PPP1R9A: variants seen among roughly 807,000 people sequenced by gnomAD.
The protein encoded by PPP1R9A is neurabin-1.
A neutral mutation model predicts 141.9 loss-of-function variants in PPP1R9A; 59 were observed. The ratio of observed to expected loss-of-function variants is 0.42; its 90% CI spans 0.34 to 0.52. The LOEUF (loss-of-function observed/expected upper bound fraction) is 0.52, where lower values mean the gene tolerates loss of function less well. Ranked by LOEUF, PPP1R9A falls within the 20% of genes least tolerant of loss-of-function variation. The pLI is 0.10. For missense variants in PPP1R9A, 1,444 were observed against 1,611.9 expected (o/e 0.90, Z 1.78); for synonymous variants, 500 against 569.7 (o/e 0.88, Z 1.74).
At chr7:95,150,929 A>T (rs1828551362) in intron 4 of PPP1R9A, among the ~76,000 whole-genome samples, 1 of 152,262 alleles carries the variant, frequency 6.6e-6, no homozygotes, top group Admixed American at 6.5e-5. Context: ...ATATCATGTT[A>T]TGAGAGAATT....
chr7:94,971,557 G>T (rs1167258895), intron 2 of PPP1R9A, among the ~76,000 whole-genome samples: 1 of 152,182 alleles, frequency 6.6e-6, no homozygotes, highest in Non-Finnish European at 1.5e-5. Flanking sequence ...ATCATCTTGA[G>T]AATTCACAGT....
At chr7:95,009,072 G>A in intron 2 of PPP1R9A, among the ~76,000 whole-genome samples, 1 of 151,930 alleles carries the variant, frequency 6.6e-6, no homozygotes, top group African/African-American at 2.4e-5. Flanking sequence ...AACACCGCAT[G>A]TTCTCACTCA....
At chr7:95,215,718 G>A (rs1325052964) in intron 7 of PPP1R9A, among the ~76,000 whole-genome samples, 8 of 152,100 alleles carry the variant, frequency 5.3e-5, no homozygotes, top group African/African-American at 9.7e-5. Context: ...TTCTCTGATG[G>A]CCAGTGATGA....
chr7:94,931,249 C>T (rs192558640), intron 2 of PPP1R9A, among the ~76,000 whole-genome samples: 76 of 152,182 alleles, frequency 5.0e-4, no homozygotes, highest in Middle Eastern at 6.8e-3. Context: ...TCTTTTCTGA[C>T]GGCAGGTGAA....
chr7:95,045,038 G>GA (rs1315179877), intron 2 of PPP1R9A, among the ~76,000 whole-genome samples: 2 of 152,082 alleles, frequency 1.3e-5, no homozygotes, highest in Non-Finnish European at 2.9e-5. Context: ...TTTGTCCTTA[G>GA]AAAATTAGGT....
At chr7:94,918,434 G>A (rs977706417) in intron 2 of PPP1R9A, among the ~76,000 whole-genome samples, 2 of 151,996 alleles carry the variant, frequency 1.3e-5, no homozygotes, top group Non-Finnish European at 2.9e-5. Flanking sequence ...GGTGTGTGTA[G>A]GGAGGTGGTG....
intron 2 of PPP1R9A, among the ~76,000 whole-genome samples, chr7:95,033,595 A>G (rs1247442106): frequency 6.6e-6 from 1 of 151,996 alleles, no homozygotes; most frequent in East Asian, 1.9e-4. Context: ...TTCCCACCTC[A>G]AGGTCATGAA....
intron 12 of PPP1R9A, among the ~76,000 whole-genome samples, chr7:95,267,884 C>G (rs1051783364): frequency 3.0e-4 from 46 of 152,048 alleles, no homozygotes; most frequent in African/African-American, 5.1e-4. Context: ...TAAGTACTTA[C>G]GATTTTTTAA....
chr7:95,164,740 T>C (rs1281045958), intron 5 of PPP1R9A, among the ~76,000 whole-genome samples: 15 of 120,320 alleles, frequency 1.2e-4, no homozygotes, highest in African/African-American at 4.6e-4. Context: ...TCTTTTCTTT[T>C]CTTTTTTTTT....
intron 4 of PPP1R9A, among the ~76,000 whole-genome samples, chr7:95,121,455 GTCTGTCTATCTA>G (rs149849671): frequency 0.39 from 56,224 of 143,826 alleles, 11,600 homozygotes; most frequent in Middle Eastern, 0.46. Flanking sequence ...CTGTCTGTCT[GTCTGTCTATCTA>G]TCTATCTATC....
At chr7:95,160,307 G>T (rs1307736188) in intron 4 of PPP1R9A, among the ~76,000 whole-genome samples, 1 of 152,036 alleles carries the variant, frequency 6.6e-6, no homozygotes, top group East Asian at 1.9e-4. Context: ...GAAGATAGGT[G>T]TGTTGTGAGA....
chr7:95,130,694 G>A (rs1584855932), intron 4 of PPP1R9A, among the ~76,000 whole-genome samples: 1 of 152,302 alleles, frequency 6.6e-6, no homozygotes, highest in South Asian at 2.1e-4. Context: ...CACAGGGGTG[G>A]AGCTTCCCAA....
intron 2 of PPP1R9A, among the ~76,000 whole-genome samples, chr7:95,055,591 A>G (rs183087217): frequency 3.5e-4 from 53 of 152,276 alleles, no homozygotes; most frequent in Middle Eastern, 3.4e-3. Context: ...ATGTTTGCCA[A>G]TAACCTTTAG....
In PPP1R9A at chr7:94,982,486, G is replaced by A. The variant is rs1229209353; in HGVS notation, c.1395+70978G>A. 7.9e-5 allele frequency among the ~76,000 whole-genome samples: 12 copies of A among 152,194 alleles called. 1 individual carries two copies. Among genetic ancestry groups the A allele is most frequent in the Admixed American group, 2.6e-4 (4 of 15,280 alleles). On this transcript the variant is annotated intron_variant, in intron 2 of 19. Transcript: ENST00000433360. ...TTTCTCCACATCCTCTCCAGCACCC[G>A]TTGTTTCCTGACTTTTTAATGATCG...
chr7:95,213,529 G>A (rs1440767131), intron 7 of PPP1R9A, among the ~76,000 whole-genome samples: 2 of 151,908 alleles, frequency 1.3e-5, no homozygotes, highest in Admixed American at 6.6e-5. Flanking sequence ...TCACCATGTT[G>A]GCCAGGCTGG....
chr7:95,198,994 C>T (rs566018891), intron 6 of PPP1R9A, among the ~76,000 whole-genome samples: 17 of 152,290 alleles, frequency 1.1e-4, no homozygotes, highest in South Asian at 2.1e-4. Context: ...GATCTGCTTA[C>T]TATGATTTGT....
chr7:94,922,187 G>A (rs2150731420), intron 2 of PPP1R9A, among the ~76,000 whole-genome samples: 1 of 151,416 alleles, frequency 6.6e-6, no homozygotes, highest in African/African-American at 2.4e-5. Context: ...CAGAAAGGGT[G>A]AATTATATTG....
intron 2 of PPP1R9A, among the ~76,000 whole-genome samples, chr7:94,992,716 T>G (rs1257759685): frequency 3.2e-4 from 48 of 152,212 alleles, no homozygotes; most frequent in Admixed American, 3.1e-3. Context: ...ATTTCTCTAA[T>G]GGCTAATGAT....
At chr7:95,227,654 A>G (rs572944166) in intron 8 of PPP1R9A, among the ~76,000 whole-genome samples, 3 of 152,292 alleles carry the variant, frequency 2.0e-5, no homozygotes, top group South Asian at 4.1e-4. Context: ...TGGCCTGCAA[A>G]TCCTAAATTA....
Sources: allele counts gnomAD v4.1 joint callset (sites outside exome capture counted in the v4.1 genomes callset), GRCh38; gene constraint gnomAD v4.1.1; transcripts MANE v1.5; gene names NCBI Gene and HGNC (gene_info 2026-07-23, HGNC 2026-07-21).